Variants in RAI1 observed in about 807,000 individuals in gnomAD.
RAI1 encodes the protein retinoic acid induced 1.
A neutral mutation model predicts 123.8 loss-of-function variants in RAI1; 9 were observed. The ratio of observed to expected loss-of-function variants is 0.07; its 90% CI spans 0.04 to 0.13. RAI1 has a LOEUF of 0.13. Among genes scored for constraint, RAI1 ranks in the 10% least tolerant of loss-of-function variants. RAI1 has a pLI of 1.00. For missense variants in RAI1, 2,256 were observed against 2,545.8 expected (o/e 0.89, Z 2.45); for synonymous variants, 1,231 against 1,127.3 (o/e 1.09, Z -1.84).
chr17:17,701,362 A>C (rs1468287598), intron 1 of RAI1, among the ~76,000 whole-genome samples: 1 of 151,842 alleles, frequency 6.6e-6, no homozygotes, highest in Non-Finnish European at 1.5e-5. Flanking sequence ...ACCTCAGGGA[A>C]ACCTTGAGAC....
At chr17:17,756,956 A>G (rs2030462836) in intron 2 of RAI1, among the ~76,000 whole-genome samples, 1 of 152,130 alleles carries the variant, frequency 6.6e-6, no homozygotes. Context: ...ATTGCCTTTC[A>G]GAGTTTGTGG....
At chr17:17,806,940 C>T (rs1018937355) in intron 4 of RAI1, among the ~76,000 whole-genome samples, 1 of 152,120 alleles carries the variant, frequency 6.6e-6, no homozygotes, top group African/African-American at 2.4e-5. Flanking sequence ...TCTACACACA[C>T]GGCAGTTCCC....
chr17:17,729,160 C>T (rs1916188716), intron 2 of RAI1, among the ~76,000 whole-genome samples: 1 of 152,178 alleles, frequency 6.6e-6, no homozygotes, highest in Non-Finnish European at 1.5e-5. Context: ...GCCACAGGTG[C>T]CCCGTGAGGC....
At chr17:17,698,543 G>A (rs1915110348) in intron 1 of RAI1, among the ~76,000 whole-genome samples, 1 of 152,210 alleles carries the variant, frequency 6.6e-6, no homozygotes, top group African/African-American at 2.4e-5. Context: ...AGGCTGCTGA[G>A]GGCCCCCCTG....
chr17:17,709,510 C>T (rs1245608081), intron 1 of RAI1, among the ~76,000 whole-genome samples: 1 of 152,190 alleles, frequency 6.6e-6, no homozygotes. Context: ...TGGAAGCTGA[C>T]CCTCTCCACA....
At position 17,796,212 on chromosome 17, in the gene RAI1, G is replaced by A; in HGVS notation, c.3264G>A (p.Gln1088=). 1.3e-6 allele frequency: 2 copies of A among 1,557,720 alleles called. No homozygotes were observed. The highest frequency in any genetic ancestry group is 1.7e-6 in the Non-Finnish European group (2 of 1,151,284). ...PAPPDKLGGK[Q]RAAFKSGKRV... is the part of the protein sequence containing the mutation. ...CCCCAGACAAACTGGGGGGCAAGCA[G>A]CGAGCCGCCTTCAAGTCGGGCAAGC... Residue 1088 remains glutamine, a synonymous_variant, in exon 3 of 6, where the codon CAG becomes CAA. Coordinates refer to ENST00000353383, the MANE Select transcript of RAI1 (RefSeq NM_030665.4). This position sits in a 1 kb window ranked among gnomAD's most constrained non-coding sequence, Gnocchi z 5.8.
In RAI1 at chr17:17,793,420, G is replaced by C; in HGVS notation, c.472G>C (p.Ala158Pro). 1 of 1,613,434 alleles carries C rather than the reference G, an allele frequency of 6.2e-7. No homozygotes were observed. The highest frequency in any genetic ancestry group is 2.2e-5 in the East Asian group (1 of 44,880). The change falls in exon 3 of 6, where the codon GCA becomes CCA. Residue 158 changes from alanine to proline, a missense_variant. This residue lies in a region of RAI1 where 336 missense variants were observed against 349.8 expected (regional missense o/e 0.96). Transcript: ENST00000353383. Reference protein sequence around the residue: ...KTAVPPSRQYAEQGAQVPFRT... With the variant: ...KTAVPPSRQYPEQGAQVPFRT... The stretch of plus-strand genomic sequence containing the variant: ...AGCAGTGCCCCCCAGCAGGCAGTAT[G>C]CAGAGCAGGGCGCCCAGGTGCCCTT...
intron 1 of RAI1, among the ~76,000 whole-genome samples, chr17:17,722,004 A>C (rs4244601): frequency 6.6e-6 from 1 of 151,954 alleles, no homozygotes; most frequent in African/African-American, 2.4e-5. Context: ...TAGGTGGAGA[A>C]GGGAGATTGG....
chr17:17,717,879 G>A (rs1030970019), intron 1 of RAI1, among the ~76,000 whole-genome samples: 7 of 152,176 alleles, frequency 4.6e-5, no homozygotes, highest in Non-Finnish European at 1.0e-4. Flanking sequence ...CCACAGCAGG[G>A]GTCAAGGGGG....
At chr17:17,682,229 G>T (rs1914450573) in intron 1 of RAI1, among the ~76,000 whole-genome samples, 1 of 152,070 alleles carries the variant, frequency 6.6e-6, no homozygotes, top group African/African-American at 2.4e-5. Context: ...GGGGGACGGG[G>T]AGCTGACTTC....
At chr17:17,695,814 G>A (rs1001261697) in intron 1 of RAI1, among the ~76,000 whole-genome samples, 10 of 152,020 alleles carry the variant, frequency 6.6e-5, no homozygotes, top group Admixed American at 2.6e-4. Flanking sequence ...GAGCCACTAT[G>A]CCCGGCCTCC....
chr17:17,804,955 C>T (rs1020706092), intron 4 of RAI1, among the ~76,000 whole-genome samples: 6 of 152,100 alleles, frequency 3.9e-5, no homozygotes, highest in African/African-American at 9.7e-5. Flanking sequence ...CTCCGCCTCC[C>T]GAGTTCAAGC....
intron 1 of RAI1, among the ~76,000 whole-genome samples, chr17:17,723,226 C>T (rs1243023770): frequency 6.6e-6 from 1 of 152,030 alleles, no homozygotes; most frequent in Non-Finnish European, 1.5e-5. Context: ...CACGCAGTAC[C>T]TCACGGAGTC....
intron 1 of RAI1, among the ~76,000 whole-genome samples, chr17:17,696,504 A>G (rs1227407144): frequency 1.3e-5 from 2 of 152,090 alleles, no homozygotes; most frequent in Admixed American, 6.5e-5. Context: ...CGCTTTTCTT[A>G]CTTAATGCTG....
intron 1 of RAI1, among the ~76,000 whole-genome samples, chr17:17,719,727 C>G (rs1380201666): frequency 6.6e-6 from 1 of 152,128 alleles, no homozygotes; most frequent in Non-Finnish European, 1.5e-5. Flanking sequence ...AGTAGGTGCT[C>G]AGTAAATATG....
At chr17:17,803,144 C>T (rs1004238652) in intron 3 of RAI1, among the ~76,000 whole-genome samples, 1 of 150,786 alleles carries the variant, frequency 6.6e-6, no homozygotes, top group Non-Finnish European at 1.5e-5. Flanking sequence ...CCACGCCCAG[C>T]ACACCAGAAG....
intron 2 of RAI1, among the ~76,000 whole-genome samples, chr17:17,754,427 G>T (rs1024369678): frequency 6.6e-6 from 1 of 151,892 alleles, no homozygotes; most frequent in Non-Finnish European, 1.5e-5. Flanking sequence ...GTAGAGACGG[G>T]GTTTCTCCAT....
intron 2 of RAI1, 73 bp from the exon 3 acceptor site, chr17:17,792,860 T>G: frequency 8.5e-7 from 1 of 1,175,522 alleles, no homozygotes; most frequent in Non-Finnish European, 1.2e-6. Context: ...GAATCGCTCA[T>G]CCTCTGCCCC....
intron 1 of RAI1, among the ~76,000 whole-genome samples, chr17:17,696,357 C>T (rs561438006): frequency 4.6e-5 from 7 of 152,214 alleles, no homozygotes; most frequent in East Asian, 1.9e-4. Context: ...AAAATTCACC[C>T]GTACTCTCAG....
Sources: allele counts gnomAD v4.1 joint callset (sites outside exome capture counted in the v4.1 genomes callset), GRCh38; gene constraint gnomAD v4.1.1; regional missense constraint gnomAD v4.1.1; non-coding constraint Gnocchi (gnomAD v3.1); transcripts MANE v1.5; gene names NCBI Gene and HGNC (gene_info 2026-07-23, HGNC 2026-07-21).